Variants in NECAB1 observed in about 807,000 individuals in gnomAD.
NECAB1 encodes the protein N-terminal EF-hand calcium-binding protein 1.
Under a neutral mutation model 57.5 loss-of-function variants are expected in NECAB1, and 29 were observed. The ratio of observed to expected loss-of-function variants is 0.50; its 90% CI spans 0.38 to 0.69. The LOEUF is 0.69. Among genes scored for constraint, NECAB1 ranks in the 30% least tolerant of loss-of-function variants. NECAB1 has a pLI of 0.00. For synonymous variants in NECAB1, 142 were observed against 147.7 expected (o/e 0.96, Z 0.28); for missense variants, 372 against 413.8 (o/e 0.90, Z 0.88).
chr8:90,944,783 T>C (rs556110487), intron 10 of NECAB1, among the ~76,000 whole-genome samples: 10 of 152,348 alleles, frequency 6.6e-5, no homozygotes, highest in South Asian at 2.1e-4. Context: ...TTTGAATATA[T>C]TCAAAACTCC....
chr8:90,882,928 A>G (rs1447622374), intron 5 of NECAB1, among the ~76,000 whole-genome samples: 3 of 152,196 alleles, frequency 2.0e-5, no homozygotes, highest in Non-Finnish European at 2.9e-5. Context: ...ATGAACACAC[A>G]TATAGCTCCA....
intron 5 of NECAB1, among the ~76,000 whole-genome samples, chr8:90,896,889 T>C (rs1809359623): frequency 1.3e-5 from 2 of 152,030 alleles, no homozygotes; most frequent in African/African-American, 4.8e-5. Context: ...CACTTCATTC[T>C]CTTTAAATTA....
intron 2 of NECAB1, among the ~76,000 whole-genome samples, chr8:90,820,806 G>A (rs1207699109): frequency 6.6e-6 from 1 of 151,240 alleles, no homozygotes; most frequent in Non-Finnish European, 1.5e-5. Flanking sequence ...ATTTTTCAAG[G>A]AATAGTAGAA....
At chr8:90,945,489 C>T (rs1265568444) in intron 10 of NECAB1, among the ~76,000 whole-genome samples, 2 of 152,114 alleles carry the variant, frequency 1.3e-5, no homozygotes, top group Non-Finnish European at 1.5e-5. Context: ...AGTGAGCCAC[C>T]GTGCCCAGCC....
At chr8:90,795,547 C>A (rs1377610093) in intron 1 of NECAB1, among the ~76,000 whole-genome samples, 6 of 152,160 alleles carry the variant, frequency 3.9e-5, no homozygotes, top group Non-Finnish European at 8.8e-5. Context: ...GAAATAGTTT[C>A]TTTTCACAAG....
chr8:90,795,832 T>C (rs1197042372), intron 1 of NECAB1, among the ~76,000 whole-genome samples: 1 of 152,000 alleles, frequency 6.6e-6, no homozygotes, highest in Non-Finnish European at 1.5e-5. Context: ...GTCACTCTTG[T>C]AGTTATAGGA....
chr8:90,849,540 A>G (rs1202459914), intron 3 of NECAB1, among the ~76,000 whole-genome samples: 1 of 129,824 alleles, frequency 7.7e-6, no homozygotes, highest in African/African-American at 2.9e-5. Flanking sequence ...TCTATAGTTG[A>G]GTGCTTCCTA....
chr8:90,940,725 A>G, intron 9 of NECAB1, 61 bp from the exon 10 acceptor site: 2 of 1,220,770 alleles, frequency 1.6e-6, no homozygotes, highest in Non-Finnish European at 2.4e-6. Flanking sequence ...GGGCAGTAGG[A>G]GTCAGCTTAA....
intron 3 of NECAB1, among the ~76,000 whole-genome samples, chr8:90,836,261 C>T (rs560796762): frequency 9.7e-4 from 147 of 152,214 alleles, no homozygotes; most frequent in South Asian, 5.6e-3. Context: ...TAAAAAGAAG[C>T]TCCTGCTACA....
At chr8:90,814,249 C>A (rs796725766) in intron 2 of NECAB1, among the ~76,000 whole-genome samples, 3 of 152,162 alleles carry the variant, frequency 2.0e-5, no homozygotes, top group Non-Finnish European at 2.9e-5. Flanking sequence ...GAGAGAAAGA[C>A]CACAGAGGTA....
At chr8:90,815,504 A>T (rs1481024010) in intron 2 of NECAB1, among the ~76,000 whole-genome samples, 1 of 152,010 alleles carries the variant, frequency 6.6e-6, no homozygotes, top group Non-Finnish European at 1.5e-5. Flanking sequence ...CATACAAAAT[A>T]GTTTACCTAC....
intron 1 of NECAB1, among the ~76,000 whole-genome samples, chr8:90,792,298 C>A (rs1811589044): frequency 6.6e-6 from 1 of 152,160 alleles, no homozygotes; most frequent in Non-Finnish European, 1.5e-5. Context: ...TAAAGAGGCA[C>A]AAGGTGTGGG....
Position 90,858,645 on chromosome 8 carries a change from G to T in NECAB1, c.234-13483G>T, listed in dbSNP as rs150655753. ...TGAAGAAAAAAAAAAAACAGCAAAT[G>T]TAATTCCTCAGAAAGACCCCTGGAA... On this transcript the variant is annotated intron_variant, in intron 3 of 12. Transcript: ENST00000417640. 3.7e-4 allele frequency among the ~76,000 whole-genome samples: 56 copies of T among 151,078 alleles called. No homozygotes were observed. In the East Asian group the frequency reaches 0.011, roughly 29 times the overall value.
intron 12 of NECAB1, among the ~76,000 whole-genome samples, chr8:90,953,425 T>G (rs1810958200): frequency 6.6e-6 from 1 of 152,246 alleles, no homozygotes; most frequent in South Asian, 2.1e-4. Context: ...GATCAATTCT[T>G]GTTCTGTGAA....
intron 3 of NECAB1, among the ~76,000 whole-genome samples, chr8:90,865,641 C>G (rs1388143051): frequency 3.3e-5 from 5 of 152,156 alleles, no homozygotes. Context: ...CCTGGTATGG[C>G]TTTCTCAGCT....
At chr8:90,848,697 A>C (rs1812616243) in intron 3 of NECAB1, among the ~76,000 whole-genome samples, 2 of 152,208 alleles carry the variant, frequency 1.3e-5, no homozygotes, top group African/African-American at 4.8e-5. Flanking sequence ...TAAAACCATC[A>C]GATCAGTCCA....
chr8:90,863,479 A>T (rs1328701435), intron 3 of NECAB1, among the ~76,000 whole-genome samples: 1 of 152,114 alleles, frequency 6.6e-6, no homozygotes, highest in Non-Finnish European at 1.5e-5. Context: ...TAGTCATACC[A>T]AGCTTTCTTA....
chr8:90,926,860 T>C (rs932986550), intron 7 of NECAB1, among the ~76,000 whole-genome samples: 4 of 152,184 alleles, frequency 2.6e-5, no homozygotes, highest in Non-Finnish European at 5.9e-5. Flanking sequence ...ATGTGCTTCA[T>C]TCATTATAAT....
At chr8:90,944,803 G>A (rs765336372) in intron 10 of NECAB1, among the ~76,000 whole-genome samples, 1 of 152,184 alleles carries the variant, frequency 6.6e-6, no homozygotes, top group Non-Finnish European at 1.5e-5. Context: ...CATGTCAAGG[G>A]CCTAAGGAAT....
Sources: gnomAD v4.1 joint callset for allele counts (sites outside exome capture counted in the v4.1 genomes callset) on GRCh38, gnomAD v4.1.1 for gene constraint, MANE v1.5 for transcripts, NCBI Gene and HGNC (gene_info 2026-07-23, HGNC 2026-07-21) for gene names.